Variants in PLEKHA7 observed in about 807,000 individuals in gnomAD.
The protein encoded by PLEKHA7 is pleckstrin homology domain containing A7.
A neutral mutation model predicts 170.0 loss-of-function variants in PLEKHA7; 104 were observed. The observed-to-expected ratio is 0.61, with a 90% CI of 0.52 to 0.72. PLEKHA7 has a LOEUF of 0.72. Among genes scored for constraint, PLEKHA7 ranks in the 30% least tolerant of loss-of-function variants. The pLI is 0.00. For synonymous variants in PLEKHA7, 648 were observed against 660.8 expected, an observed-to-expected ratio of 0.98 and a Z score of 0.30; for missense variants, 1,615 against 1,671.7, an observed-to-expected ratio of 0.97 and a Z score of 0.59.
intron 3 of PLEKHA7, among the ~76,000 whole-genome samples, chr11:16,898,980 T>G (rs1857159827): frequency 6.6e-6 from 1 of 152,214 alleles, no homozygotes; most frequent in Non-Finnish European, 1.5e-5. Context: ...ACACCAATTT[T>G]GTAAAGATGC....
chr11:16,989,459 A>C (rs1051199651), intron 3 of PLEKHA7, among the ~76,000 whole-genome samples: 1 of 152,252 alleles, frequency 6.6e-6, no homozygotes, highest in Non-Finnish European at 1.5e-5. Context: ...AACACAGACC[A>C]AGAACTTCCC....
intron 3 of PLEKHA7, among the ~76,000 whole-genome samples, chr11:16,904,137 G>A (rs20818): frequency 0.53 from 81,021 of 152,062 alleles, 22,209 homozygotes; most frequent in East Asian, 0.75. Flanking sequence ...GGCCTTCATT[G>A]GCTTAAAACA....
intron 3 of PLEKHA7, among the ~76,000 whole-genome samples, chr11:16,942,358 C>A (rs1323398668): frequency 1.3e-5 from 2 of 152,196 alleles, no homozygotes. Context: ...TCCCTGACAT[C>A]CTGCCTCTGG....
intron 3 of PLEKHA7, among the ~76,000 whole-genome samples, chr11:17,009,491 T>C (rs1865198679): frequency 6.6e-6 from 1 of 152,128 alleles, no homozygotes; most frequent in Non-Finnish European, 1.5e-5. Flanking sequence ...CCCAAAAAGA[T>C]TAGGCTGTTA....
At chr11:16,854,524 T>C (rs143820816) in intron 6 of PLEKHA7, among the ~76,000 whole-genome samples, 705 of 151,818 alleles carry the variant, frequency 4.6e-3, no homozygotes, top group Non-Finnish European at 8.5e-3. Context: ...AAGATGAAAA[T>C]TTTCAGCCAA....
chr11:16,962,248 C>T (rs1333541431), intron 3 of PLEKHA7, among the ~76,000 whole-genome samples: 1 of 152,176 alleles, frequency 6.6e-6, no homozygotes, highest in Non-Finnish European at 1.5e-5. Context: ...GGCTAATTAG[C>T]CTATGTTTTC....
intron 9 of PLEKHA7, among the ~76,000 whole-genome samples, chr11:16,838,160 C>T (rs1851663788): frequency 6.6e-6 from 1 of 152,144 alleles, no homozygotes; most frequent in African/African-American, 2.4e-5. Context: ...GCAAACAACT[C>T]AGTAGAAAAA....
At chr11:16,945,532 T>TAGATGGAC (rs972023727) in intron 3 of PLEKHA7, among the ~76,000 whole-genome samples, 3 of 152,116 alleles carry the variant, frequency 2.0e-5, no homozygotes, top group Admixed American at 6.6e-5. Context: ...GGATGATGGA[T>TAGATGGAC]AGATGGACAG....
At chr11:16,911,634 G>C (rs992036782) in intron 3 of PLEKHA7, among the ~76,000 whole-genome samples, 3 of 152,094 alleles carry the variant, frequency 2.0e-5, no homozygotes, top group African/African-American at 7.2e-5. Flanking sequence ...ACTGGCAGAA[G>C]TGAGGTCTCG....
rs1268399672 is a variant in PLEKHA7, at chr11:16,884,338, A to C, written c.222-13156T>G. 3.9e-5 allele frequency among the ~76,000 whole-genome samples: 6 copies of C among 152,350 alleles called. No homozygotes were observed. The East Asian group carries it at 1.2e-3, about 29-fold the overall frequency. On this transcript the variant is annotated intron_variant, in intron 3 of 26. Transcript: ENST00000531066. ...TTTAAAAACAGAAAAATTTCATATA[A>C]AATTTCAGCTTAGGCTGGGCACAGT...
At chr11:16,794,167 C>T (rs1380016444) in intron 19 of PLEKHA7, among the ~76,000 whole-genome samples, 6 of 151,890 alleles carry the variant, frequency 4.0e-5, no homozygotes, top group African/African-American at 1.4e-4. Flanking sequence ...GGGACAGCTT[C>T]GTCCACAGCC....
chr11:16,830,975 T>G (rs1002962187), intron 9 of PLEKHA7, among the ~76,000 whole-genome samples: 1 of 152,232 alleles, frequency 6.6e-6, no homozygotes, highest in Admixed American at 6.5e-5. Context: ...TTCCTGGAAA[T>G]AAATTTGACA....
intron 7 of PLEKHA7, among the ~76,000 whole-genome samples, chr11:16,852,035 A>C (rs886857625): frequency 1.3e-5 from 2 of 152,182 alleles, no homozygotes; most frequent in African/African-American, 4.8e-5. Flanking sequence ...AGGTTACAAA[A>C]CACAATCAAT....
chr11:16,993,835 C>T (rs1383539769), intron 3 of PLEKHA7, among the ~76,000 whole-genome samples: 1 of 152,138 alleles, frequency 6.6e-6, no homozygotes, highest in Admixed American at 6.5e-5. Flanking sequence ...AGGCAATAGG[C>T]CAAAGAGAAA....
intron 3 of PLEKHA7, among the ~76,000 whole-genome samples, chr11:16,998,540 T>C (rs972655642): frequency 2.6e-5 from 4 of 152,180 alleles, no homozygotes; most frequent in African/African-American, 9.7e-5. Context: ...TTACTTTCCT[T>C]TCCCCAAAAG....
intron 3 of PLEKHA7, among the ~76,000 whole-genome samples, chr11:16,911,641 C>A (rs1858254894): frequency 6.6e-5 from 10 of 151,634 alleles, no homozygotes; most frequent in Admixed American, 6.6e-4. Flanking sequence ...GAAGTGAGGT[C>A]TCGGGGATAA....
intron 13 of PLEKHA7, chr11:16,807,257 C>G (rs551224850): frequency 1.1e-6 from 1 of 921,476 alleles, no homozygotes; most frequent in African/African-American, 1.8e-5. Flanking sequence ...TACAACAAAA[C>G]GTAACAGGTG....
At chr11:16,883,430 G>GT (rs1855854525) in intron 3 of PLEKHA7, among the ~76,000 whole-genome samples, 1 of 152,202 alleles carries the variant, frequency 6.6e-6, no homozygotes, top group South Asian at 2.1e-4. Context: ...CTTGTTACCA[G>GT]TTTAAGCATG....
chr11:16,961,868 C>T (rs1294831005), intron 3 of PLEKHA7, among the ~76,000 whole-genome samples: 3 of 152,174 alleles, frequency 2.0e-5, no homozygotes, highest in Non-Finnish European at 2.9e-5. Context: ...AAATTAGGAT[C>T]AGTACCACCT....
Sources: gnomAD v4.1 joint callset for allele counts (sites outside exome capture counted in the v4.1 genomes callset) on GRCh38, gnomAD v4.1.1 for gene constraint, MANE v1.5 for transcripts, NCBI Gene and HGNC (gene_info 2026-07-23, HGNC 2026-07-21) for gene names.